Variants in ZSWIM5 observed in about 807,000 individuals in gnomAD.
ZSWIM5 encodes the protein zinc finger SWIM-type containing 5, also known as zinc finger SWIM domain-containing protein 5.
In ZSWIM5, 55 loss-of-function variants were observed where a neutral mutation model predicts 119.6. That is an observed-to-expected ratio of 0.46 (90% confidence interval 0.37 to 0.58). The LOEUF (loss-of-function observed/expected upper bound fraction) is 0.58, where lower values mean the gene tolerates loss of function less well. Among genes scored for constraint, ZSWIM5 ranks in the 20% least tolerant of loss-of-function variants. The pLI is 0.00. For missense variants in ZSWIM5, 1,193 were observed against 1,512.8 expected, an observed-to-expected ratio of 0.79 and a Z score of 3.51; for synonymous variants, 537 against 606.9, an observed-to-expected ratio of 0.88 and a Z score of 1.69.
intron 2 of ZSWIM5, among the ~76,000 whole-genome samples, chr1:45,086,478 C>T (rs1399798316): frequency 1.3e-5 from 2 of 151,740 alleles, no homozygotes; most frequent in Non-Finnish European, 2.9e-5. Flanking sequence ...ATTATTATAC[C>T]CCACAAAGTA....
chr1:45,097,325 C>A (rs76742367), intron 1 of ZSWIM5, among the ~76,000 whole-genome samples: 3,140 of 152,252 alleles, frequency 0.021, 115 homozygotes, highest in African/African-American at 0.072. Context: ...TTCCCCTCTC[C>A]AAATAAGGAA....
At chr1:45,059,012 G>A (rs962692878) in intron 3 of ZSWIM5, among the ~76,000 whole-genome samples, 1 of 152,194 alleles carries the variant, frequency 6.6e-6, no homozygotes, top group Non-Finnish European at 1.5e-5. Context: ...GTGTTGGACA[G>A]GATGTAAAGA....
rs899126301 is a variant in ZSWIM5, at chr1:45,050,357, C to CAAATA, written c.1432+712_1432+716dup. Among the ~76,000 whole-genome samples the CAAATA allele has an allele frequency of 1.1e-4, 17 of 152,002 alleles. No homozygotes were observed. The East Asian group carries it at 1.2e-3, about 10-fold the overall frequency. ...GGGGGATAGAGTGAGACCTTGTCTC[C>CAAATA]AAATAAAATAAAATAAAAGGAACCA... On this transcript the variant is annotated intron_variant, in intron 5 of 13. Transcript: ENST00000359600.
At position 45,088,365 on chromosome 1, in the gene ZSWIM5, C is replaced by T; in HGVS notation, c.596-128G>A. 1 of 662,182 alleles carries T rather than the reference C, an allele frequency of 1.5e-6. No individual in the cohort carries two copies. Among genetic ancestry groups the T allele is most frequent in the Non-Finnish European group, 2.5e-6 (1 of 403,520 alleles). The allele number at this position is 662,182 out of a possible 1,614,324, so 41.0% of individuals were successfully genotyped here. On this transcript the variant is annotated intron_variant, in intron 1 of 13. Transcript: ENST00000359600. This position sits in a 1 kb window ranked among gnomAD's most constrained non-coding sequence, Gnocchi z 4.2. ...ATCTCCTACACACGTACATGATAGGCTTTGCCACAGACACAGAGGTCAATG... is the reference window on the plus strand; with the variant it reads ...ATCTCCTACACACGTACATGATAGGTTTTGCCACAGACACAGAGGTCAATG...
chr1:45,195,730 TAAA>T (rs1336150685), intron 1 of ZSWIM5, among the ~76,000 whole-genome samples: 3 of 152,094 alleles, frequency 2.0e-5, no homozygotes, highest in African/African-American at 7.2e-5. Flanking sequence ...CATCCATTAA[TAAA>T]GATAGGTGAA....
intron 11 of ZSWIM5, among the ~76,000 whole-genome samples, chr1:45,030,751 G>A (rs1644947834): frequency 6.7e-6 from 1 of 148,850 alleles, no homozygotes; most frequent in African/African-American, 2.5e-5. Context: ...CTTTTTTCTT[G>A]ATCAGTCTAG....
intron 1 of ZSWIM5, among the ~76,000 whole-genome samples, chr1:45,189,625 G>A (rs1938406): frequency 0.16 from 24,231 of 151,906 alleles, 2,594 homozygotes; most frequent in African/African-American, 0.3. Flanking sequence ...GCATGGCGGC[G>A]TGCACCTGCA....
intron 1 of ZSWIM5, among the ~76,000 whole-genome samples, chr1:45,173,987 C>T (rs1304858838): frequency 6.6e-6 from 1 of 151,974 alleles, no homozygotes; most frequent in Non-Finnish European, 1.5e-5. Flanking sequence ...TTAAAATGAA[C>T]ATGAAGGCTG....
chr1:45,063,365 T>C (rs1001590513), intron 2 of ZSWIM5, among the ~76,000 whole-genome samples: 14 of 152,158 alleles, frequency 9.2e-5, no homozygotes, highest in Non-Finnish European at 1.8e-4. Context: ...CTGTTTTAAG[T>C]GCTCTGAGAA....
In ZSWIM5 at chr1:45,079,347, G is replaced by A. The variant is rs117385529; in HGVS notation, c.952+8534C>T. Among the ~76,000 whole-genome samples, 15 of 152,244 alleles carry A rather than the reference G, an allele frequency of 9.9e-5. No homozygotes were observed. In the East Asian group the frequency reaches 1.9e-3, roughly 20 times the overall value. On this transcript the variant is annotated intron_variant, in intron 2 of 13. Coordinates refer to ENST00000359600, the MANE Select transcript of ZSWIM5 (RefSeq NM_020883.2). ...TTTGGTGGTCTCTTCACATGGACGC[G>A]CATGACACTTCCACTCTTCCTGCCC...
At chr1:45,047,329 C>T (rs1252930829) in intron 5 of ZSWIM5, among the ~76,000 whole-genome samples, 1 of 152,096 alleles carries the variant, frequency 6.6e-6, no homozygotes, top group Middle Eastern at 3.4e-3. Context: ...GGTACAAGAG[C>T]TGTTTCAGTA....
chr1:45,087,157 C>G (rs1365355406), intron 2 of ZSWIM5, among the ~76,000 whole-genome samples: 1 of 152,096 alleles, frequency 6.6e-6, no homozygotes, highest in Non-Finnish European at 1.5e-5. Flanking sequence ...GTGCTGGGAT[C>G]ACAGGCGTGA....
chr1:45,161,599 T>A (rs1028330143), intron 1 of ZSWIM5, among the ~76,000 whole-genome samples: 1 of 151,920 alleles, frequency 6.6e-6, no homozygotes, highest in Non-Finnish European at 1.5e-5. Context: ...TCCCCCCACA[T>A]TTTTTTTGGC....
intron 1 of ZSWIM5, among the ~76,000 whole-genome samples, chr1:45,133,127 C>A (rs1386754457): frequency 1.3e-5 from 2 of 152,006 alleles, no homozygotes; most frequent in South Asian, 4.2e-4. Flanking sequence ...GGGTATATAC[C>A]CAGTAATAGG....
intron 1 of ZSWIM5, among the ~76,000 whole-genome samples, chr1:45,163,004 AACAG>A (rs1175737769): frequency 1.3e-5 from 2 of 152,202 alleles, no homozygotes; most frequent in Non-Finnish European, 2.9e-5. Context: ...GAGATCTCAG[AACAG>A]ACAGACTGCC....
intron 1 of ZSWIM5, among the ~76,000 whole-genome samples, chr1:45,204,875 C>T (rs778769409): frequency 3.9e-5 from 6 of 152,026 alleles, no homozygotes; most frequent in Non-Finnish European, 8.8e-5. Flanking sequence ...TTTTTTTATC[C>T]TTCTCCTTAA....
intron 11 of ZSWIM5, among the ~76,000 whole-genome samples, chr1:45,031,077 C>T (rs1485549130): frequency 5.3e-5 from 8 of 151,514 alleles, no homozygotes; most frequent in South Asian, 2.1e-4. Context: ...GGATTACAGG[C>T]GTGAGCCACC....
intron 2 of ZSWIM5, among the ~76,000 whole-genome samples, chr1:45,064,331 T>C (rs925193031): frequency 2.6e-5 from 4 of 152,218 alleles, no homozygotes; most frequent in Non-Finnish European, 4.4e-5. Context: ...GCATTTCTCA[T>C]ATATTCCCAA....
At chr1:45,134,257 G>T (rs1327322327) in intron 1 of ZSWIM5, among the ~76,000 whole-genome samples, 2 of 151,916 alleles carry the variant, frequency 1.3e-5, no homozygotes, top group Non-Finnish European at 2.9e-5. Context: ...TTTGCTTTTT[G>T]CCTAGAAGCA....
Sources: gnomAD v4.1 joint callset for allele counts (sites outside exome capture counted in the v4.1 genomes callset) on GRCh38, gnomAD v4.1.1 for gene constraint, Gnocchi (gnomAD v3.1) non-coding constraint, MANE v1.5 for transcripts, NCBI Gene and HGNC (gene_info 2026-07-23, HGNC 2026-07-21) for gene names.